The following MTA3 variants were observed in gnomAD, a reference collection of about 807,000 sequenced individuals.
MTA3 encodes metastasis-associated protein MTA3.
Under a neutral mutation model 83.5 loss-of-function variants are expected in MTA3, and 34 were observed. The observed-to-expected ratio is 0.41, with a 90% CI of 0.31 to 0.54. The LOEUF (loss-of-function observed/expected upper bound fraction) is 0.54. MTA3 is among the 20% of genes least tolerant of loss of function. MTA3 has a pLI of 0.33. For synonymous variants in MTA3, 303 were observed against 252.7 expected, an observed-to-expected ratio of 1.20 and a Z score of -1.89; for missense variants, 761 against 726.4, an observed-to-expected ratio of 1.05 and a Z score of -0.55.
chr2:42,501,271 G>A (rs1181973487), intron 2 of MTA3, among the ~76,000 whole-genome samples: 1 of 152,172 alleles, frequency 6.6e-6, no homozygotes, highest in Non-Finnish European at 1.5e-5. Context: ...GCATTACATA[G>A]ATTCCTCTGG....
intron 14 of MTA3, among the ~76,000 whole-genome samples, chr2:42,710,549 C>CAGA (rs1666513415): frequency 1.6e-5 from 1 of 61,068 alleles, no homozygotes; most frequent in Non-Finnish European, 3.0e-5. Flanking sequence ...AACTTCATCT[C>CAGA]AAAAAAAAAA....
chr2:42,657,397 G>T (rs2104363227), intron 7 of MTA3, among the ~76,000 whole-genome samples: 1 of 152,340 alleles, frequency 6.6e-6, no homozygotes, highest in South Asian at 2.1e-4. Context: ...GATGAGCATT[G>T]TAAAGGGGCC....
intron 16 of MTA3, among the ~76,000 whole-genome samples, chr2:42,746,417 G>C (rs1456075524): frequency 6.6e-6 from 1 of 152,118 alleles, no homozygotes; most frequent in East Asian, 1.9e-4. Flanking sequence ...CAAATGTGTG[G>C]GGACTTTTCC....
At chr2:42,511,393 T>G (rs1674889743) in intron 2 of MTA3, among the ~76,000 whole-genome samples, 2 of 151,816 alleles carry the variant, frequency 1.3e-5, no homozygotes, top group African/African-American at 4.8e-5. Flanking sequence ...CTCAGTTTAC[T>G]CTGAGATACA....
intron 6 of MTA3, among the ~76,000 whole-genome samples, chr2:42,653,028 C>A (rs551734573): frequency 1.6e-4 from 24 of 152,294 alleles, no homozygotes; most frequent in African/African-American, 5.5e-4. Flanking sequence ...CAACACTGTG[C>A]TCAAAATTCT....
At chr2:42,600,385 A>G (rs948588655) in intron 3 of MTA3, among the ~76,000 whole-genome samples, 1 of 151,918 alleles carries the variant, frequency 6.6e-6, no homozygotes, top group African/African-American at 2.4e-5. Context: ...ACTGATTCTT[A>G]TTTCCATTTT....
At position 42,609,528 on chromosome 2, in the gene MTA3, A is replaced by G; in HGVS notation, c.261A>G (p.Lys87=). The part of the protein sequence containing the change: ...DLTDKQKHQL[K]HRELFLSRQY... ...CCGATAAGCAGAAACATCAGTTGAA[A>G]CATAGGGAACTCTTTTTGTCACGCC... Residue 87 remains lysine, a synonymous_variant, in exon 4 of 17, where the codon AAA becomes AAG. Transcript: ENST00000405094. The G allele has an allele frequency of 1.9e-6, 3 of 1,613,938 alleles. No homozygotes were observed. Among genetic ancestry groups the G allele is most frequent in the Non-Finnish European group, 2.5e-6 (3 of 1,179,850 alleles).
intron 16 of MTA3, among the ~76,000 whole-genome samples, chr2:42,747,606 C>A (rs1179657209): frequency 6.6e-6 from 1 of 151,478 alleles, no homozygotes; most frequent in African/African-American, 2.4e-5. Flanking sequence ...ATGGAAGTTC[C>A]TGGCTGATAA....
intron 4 of MTA3, among the ~76,000 whole-genome samples, chr2:42,638,151 T>C (rs937908825): frequency 1.3e-5 from 2 of 152,200 alleles, no homozygotes; most frequent in African/African-American, 4.8e-5. Context: ...AGGGGGATTT[T>C]TTTTTCTAGG....
At chr2:42,532,741 T>G (rs1386805564) in intron 2 of MTA3, 1 of 229,674 alleles carries the variant, frequency 4.4e-6, no homozygotes. Flanking sequence ...TCCAGAGGTT[T>G]TTTTTTTTTT....
chr2:42,657,760 T>C (rs1689296111), intron 7 of MTA3, among the ~76,000 whole-genome samples: 1 of 76,568 alleles, frequency 1.3e-5, no homozygotes, highest in Non-Finnish European at 2.3e-5. Context: ...AGACCTCATC[T>C]CTTAAAAAAA....
rs994858871 is a variant in MTA3, at chr2:42,754,563, A to T, written c.*1164A>T. The T allele has an allele frequency of 1.0e-6, 1 of 985,348 alleles. No individual in the cohort carries two copies. Among genetic ancestry groups the T allele is most frequent in the Non-Finnish European group, 1.2e-6 (1 of 829,978 alleles). 61.0% of individuals were successfully genotyped at this position (985,348 alleles called of 1,614,324 possible). A position where few individuals can be genotyped will look rare whatever the true frequency, so the allele number is the denominator to read the frequency against. On this transcript the variant is annotated 3_prime_UTR_variant, in exon 17 of 17. Coordinates refer to ENST00000405094, the MANE Select transcript of MTA3 (RefSeq NM_001330442.2). ...TTGTGCTGGCAGCTGCAAGGATAGGAATAGCTCAGCGCCCGATGAGCTCCC... is the reference window on the plus strand; with the variant it reads ...TTGTGCTGGCAGCTGCAAGGATAGGTATAGCTCAGCGCCCGATGAGCTCCC...
intron 3 of MTA3, among the ~76,000 whole-genome samples, chr2:42,589,028 C>T (rs1428877607): frequency 6.6e-6 from 1 of 152,056 alleles, no homozygotes; most frequent in Non-Finnish European, 1.5e-5. Context: ...TTGTGGAGGC[C>T]AATCTTCTTA....
At chr2:42,584,106 G>A (rs376458913) in intron 3 of MTA3, among the ~76,000 whole-genome samples, 1 of 151,266 alleles carries the variant, frequency 6.6e-6, no homozygotes, top group South Asian at 2.1e-4. Flanking sequence ...GCCTCCCAAA[G>A]TGCTGGATTA....
intron 14 of MTA3, among the ~76,000 whole-genome samples, chr2:42,717,769 A>G (rs1244320483): frequency 1.3e-5 from 2 of 152,206 alleles, no homozygotes; most frequent in Non-Finnish European, 2.9e-5. Flanking sequence ...CCCTAGCCTA[A>G]CAATTGAGTT....
intron 4 of MTA3, among the ~76,000 whole-genome samples, chr2:42,635,382 T>G (rs1255290437): frequency 1.3e-5 from 2 of 152,010 alleles, no homozygotes; most frequent in African/African-American, 4.8e-5. Context: ...AATCCCAGCA[T>G]TTTGGGAGGC....
intron 4 of MTA3, among the ~76,000 whole-genome samples, chr2:42,623,169 G>A (rs1685744490): frequency 6.6e-6 from 1 of 152,168 alleles, no homozygotes; most frequent in Non-Finnish European, 1.5e-5. Flanking sequence ...CTTGATGAAT[G>A]TTTGTTTAGT....
intron 9 of MTA3, among the ~76,000 whole-genome samples, chr2:42,682,975 G>A (rs1044212721): frequency 6.6e-6 from 1 of 152,200 alleles, no homozygotes; most frequent in African/African-American, 2.4e-5. Context: ...AAGAGGCTGA[G>A]AAAGGAGAAT....
chr2:42,652,412 G>A (rs1688804171), intron 6 of MTA3, among the ~76,000 whole-genome samples: 1 of 152,094 alleles, frequency 6.6e-6, no homozygotes, highest in South Asian at 2.1e-4. Flanking sequence ...TTCAGGGCTG[G>A]GTAATCTTGT....
Sources: gnomAD v4.1 joint callset for allele counts (sites outside exome capture counted in the v4.1 genomes callset) on GRCh38, gnomAD v4.1.1 for gene constraint, MANE v1.5 for transcripts, NCBI Gene and HGNC (gene_info 2026-07-23, HGNC 2026-07-21) for gene names.